Variants in PDGFD observed in about 807,000 individuals in gnomAD.
PDGFD encodes platelet-derived growth factor D.
PDGFD carries 30 observed loss-of-function variants against 44.7 expected under a neutral mutation model. The ratio of observed to expected loss-of-function variants is 0.67; its 90% CI spans 0.50 to 0.91. The LOEUF (loss-of-function observed/expected upper bound fraction) is 0.91. Ranked by LOEUF, PDGFD falls within the 40% of genes least tolerant of loss-of-function variation. The pLI is 0.00. For synonymous variants in PDGFD, 173 were observed against 168.4 expected (o/e 1.03, Z -0.21); for missense variants, 445 against 457.8 (o/e 0.97, Z 0.25).
intron 3 of PDGFD, among the ~76,000 whole-genome samples, chr11:103,984,346 G>C (rs1312659116): frequency 6.6e-6 from 1 of 151,480 alleles, no homozygotes; most frequent in Non-Finnish European, 1.5e-5. Flanking sequence ...ACTTGAAAGT[G>C]GGAACTAAAT....
chr11:103,985,051 AAT>A (rs1376945079), intron 3 of PDGFD, among the ~76,000 whole-genome samples: 1 of 90,944 alleles, frequency 1.1e-5, no homozygotes, highest in Non-Finnish European at 2.0e-5. Flanking sequence ...ATATTTGTTT[AAT>A]ATATATTAAT....
At chr11:103,916,492 AATG>A (rs1431910608) in intron 6 of PDGFD, among the ~76,000 whole-genome samples, 2 of 152,184 alleles carry the variant, frequency 1.3e-5, no homozygotes, top group African/African-American at 4.8e-5. Flanking sequence ...TGTTGGTGGG[AATG>A]TAAATTAGTT....
chr11:103,973,795 C>T (rs1218794473), intron 3 of PDGFD, among the ~76,000 whole-genome samples: 1 of 152,084 alleles, frequency 6.6e-6, no homozygotes, highest in Non-Finnish European at 1.5e-5. Flanking sequence ...ATATGTTATG[C>T]TCAGGGTGTC....
chr11:103,925,104 T>C (rs926982852), intron 6 of PDGFD, among the ~76,000 whole-genome samples: 5 of 152,170 alleles, frequency 3.3e-5, no homozygotes, highest in African/African-American at 1.2e-4. Context: ...GGTTTCTAGC[T>C]TCATCCGTGT....
chr11:103,961,852 A>G (rs1393593904), intron 3 of PDGFD, among the ~76,000 whole-genome samples: 2 of 152,172 alleles, frequency 1.3e-5, no homozygotes, highest in African/African-American at 2.4e-5. Flanking sequence ...TCACTTGCCA[A>G]TTAGTGCCTG....
At chr11:104,130,522 C>T (rs1861905761) in intron 1 of PDGFD, among the ~76,000 whole-genome samples, 6 of 152,158 alleles carry the variant, frequency 3.9e-5, no homozygotes, top group Admixed American at 3.9e-4. Context: ...ATCTGAGCAA[C>T]ATAAATTAAT....
intron 1 of PDGFD, among the ~76,000 whole-genome samples, chr11:104,046,231 A>T (rs1860440647): frequency 6.8e-6 from 1 of 147,836 alleles, no homozygotes. Flanking sequence ...GATACAAGGC[A>T]TCTTTTGTTA....
intron 3 of PDGFD, among the ~76,000 whole-genome samples, chr11:103,978,098 C>T (rs1859210752): frequency 6.6e-6 from 1 of 152,028 alleles, no homozygotes; most frequent in Non-Finnish European, 1.5e-5. Context: ...TTGCTAACAG[C>T]TGGGAAAACA....
At chr11:103,999,338 C>T (rs1859584591) in intron 2 of PDGFD, among the ~76,000 whole-genome samples, 1 of 152,152 alleles carries the variant, frequency 6.6e-6, no homozygotes, top group Non-Finnish European at 1.5e-5. Context: ...TTCCTCAAGT[C>T]TTATACATGC....
chr11:104,135,104 CTGTTA>C (rs1861983790), intron 1 of PDGFD, among the ~76,000 whole-genome samples: 1 of 152,066 alleles, frequency 6.6e-6, no homozygotes, highest in Non-Finnish European at 1.5e-5. Context: ...ACTAAGATAT[CTGTTA>C]TATTAAATAG....
In PDGFD at chr11:103,961,075, C is replaced by G. The variant is rs55947156; in HGVS notation, c.511-13351G>C. Among the ~76,000 whole-genome samples the G allele has an allele frequency of 6.0e-3, 910 of 152,256 alleles. 8 individuals carry two copies. The highest frequency in any genetic ancestry group is 0.02 in the African/African-American group (844 of 41,560). On this transcript the variant is annotated intron_variant, in intron 3 of 6. Coordinates refer to ENST00000393158, the MANE Select transcript of PDGFD (RefSeq NM_025208.5). ...TCTGTACTTGTTTCCAGGTTTGTGTCTCTCCATTAGGGTGTAAGCTCCTTA... is the reference window on the plus strand; with the variant it reads ...TCTGTACTTGTTTCCAGGTTTGTGTGTCTCCATTAGGGTGTAAGCTCCTTA...
At chr11:103,940,671 T>C (rs1238715301) in intron 5 of PDGFD, among the ~76,000 whole-genome samples, 1 of 152,180 alleles carries the variant, frequency 6.6e-6, no homozygotes, top group Non-Finnish European at 1.5e-5. Flanking sequence ...CCCTTGTTTT[T>C]GTGATACATG....
intron 2 of PDGFD, among the ~76,000 whole-genome samples, chr11:103,999,305 G>C (rs1859583995): frequency 2.0e-5 from 3 of 149,004 alleles, no homozygotes; most frequent in Admixed American, 2.0e-4. Flanking sequence ...GTGCAGTAAA[G>C]TACAAAAAAG....
Position 104,026,902 on chromosome 11 carries a change from C to A in PDGFD, c.125-26647G>T, listed in dbSNP as rs543213277. On this transcript the variant is annotated intron_variant, in intron 1 of 6. Transcript: ENST00000393158. ...TTATTGGAAAGACCATACTTATATT[C>A]TTGATGTCAAGTTCAACAGTTTTGT... is the stretch of plus-strand genomic sequence containing the variant. Among the ~76,000 whole-genome samples, 3 of 152,298 alleles carry A rather than the reference C, an allele frequency of 2.0e-5. No homozygotes were observed. The South Asian group carries it at 6.2e-4, about 32-fold the overall frequency.
chr11:104,039,929 T>C (rs1373445422), intron 1 of PDGFD, among the ~76,000 whole-genome samples: 1 of 152,100 alleles, frequency 6.6e-6, no homozygotes, highest in Non-Finnish European at 1.5e-5. Context: ...TAAAAGACAG[T>C]TCACATGATA....
chr11:104,036,576 A>C (rs1860236978), intron 1 of PDGFD: 2 of 554,746 alleles, frequency 3.6e-6, no homozygotes, highest in South Asian at 4.7e-5. Context: ...CAAACAGCAC[A>C]CTTAGAAATG....
chr11:104,075,455 C>G (rs1329383613), intron 1 of PDGFD, among the ~76,000 whole-genome samples: 1 of 151,518 alleles, frequency 6.6e-6, no homozygotes, highest in Non-Finnish European at 1.5e-5. Context: ...CTAATAGAGA[C>G]TGTACTTTGG....
chr11:104,019,334 T>C (rs192906820), intron 1 of PDGFD, among the ~76,000 whole-genome samples: 93 of 151,840 alleles, frequency 6.1e-4, no homozygotes, highest in Admixed American at 1.4e-3. Context: ...GGGTCAAGCA[T>C]TGTGACAGAA....
At chr11:103,948,748 G>A (rs1427774183) in intron 3 of PDGFD, among the ~76,000 whole-genome samples, 1 of 152,030 alleles carries the variant, frequency 6.6e-6, no homozygotes, top group African/African-American at 2.4e-5. Context: ...ACATTTTGAG[G>A]AGCTGGAAGT....
Sources: gnomAD v4.1 joint callset for allele counts (sites outside exome capture counted in the v4.1 genomes callset) on GRCh38, gnomAD v4.1.1 for gene constraint, MANE v1.5 for transcripts, NCBI Gene and HGNC (gene_info 2026-07-23, HGNC 2026-07-21) for gene names.